Variants in CSF2RB observed in about 807,000 individuals in gnomAD.
The protein encoded by CSF2RB is colony stimulating factor 2 receptor subunit beta, also known as cytokine receptor common subunit beta.
In CSF2RB, 22 loss-of-function variants were observed where a neutral mutation model predicts 67.2. The observed-to-expected ratio is 0.33, with a 90% confidence interval of 0.23 to 0.47. CSF2RB has a LOEUF of 0.47. Among genes scored for constraint, CSF2RB ranks in the 20% least tolerant of loss-of-function variants. CSF2RB has a pLI of 1.00. For synonymous variants in CSF2RB, 507 were observed against 482.9 expected (o/e 1.05, Z -0.65); for missense variants, 1,113 against 1,174.5 (o/e 0.95, Z 0.76).
chr22:36,916,874 A>G (rs775226015), intron 1 of CSF2RB, among the ~76,000 whole-genome samples: 3 of 152,130 alleles, frequency 2.0e-5, no homozygotes, highest in Non-Finnish European at 4.4e-5. Flanking sequence ...TAAAAATAAA[A>G]ATCAGTTTGC....
chr22:36,933,034 T>TGAGACCTAGCCACTA (rs1290771333), intron 9 of CSF2RB, 130 bp downstream of exon 9: 1 of 1,087,160 alleles, frequency 9.2e-7, no homozygotes, highest in African/African-American at 1.5e-5. Context: ...CACTGGGACG[T>TGAGACCTAGCCACTA]GGTGATCACT....
intron 4 of CSF2RB, among the ~76,000 whole-genome samples, chr22:36,929,039 G>C (rs908260656): frequency 2.0e-5 from 3 of 152,216 alleles, no homozygotes; most frequent in Non-Finnish European, 4.4e-5. Context: ...GACAGCAGGA[G>C]GGGGGAGGCC....
At position 36,939,919 on chromosome 22, in the gene CSF2RB, T is replaced by C. The variant is rs969116483; in HGVS notation, c.*1417T>C. ...AGCAGTGTTTGTCCTAATTTATATATTGTTTTTCTAGTTCATTTTGTGTTT... is the reference window on the plus strand; with the variant it reads ...AGCAGTGTTTGTCCTAATTTATATACTGTTTTTCTAGTTCATTTTGTGTTT... On this transcript the variant is annotated 3_prime_UTR_variant, in exon 14 of 14. Coordinates refer to ENST00000403662, the MANE Select transcript of CSF2RB (RefSeq NM_000395.3). 3.9e-5 allele frequency: 6 copies of C among 152,270 alleles called. No individual in the cohort carries two copies. The highest frequency in any genetic ancestry group is 9.6e-5 in the African/African-American group (4 of 41,474). The allele number at this position is 152,270 out of a possible 1,614,324, so 9.4% of individuals were successfully genotyped here.
In CSF2RB at chr22:36,929,748, C is replaced by T. The variant is rs1475427891; in HGVS notation, c.659C>T (p.Ser220Phe). 1.9e-6 allele frequency: 3 copies of T among 1,614,176 alleles called. No individual in the cohort carries two copies. The East Asian group carries it at 6.7e-5, about 36-fold the overall frequency. Residue 220 changes from serine (S) to phenylalanine (F), a missense_variant, in exon 6 of 14, where the codon TCT becomes TTT. Ser to Phe is a radical substitution (Grantham distance 155). This residue lies in a region of CSF2RB where 559 missense variants were observed against 656.5 expected (regional missense o/e 0.85). Transcript: ENST00000403662. ...GTACGGACCCGCCTGGCCCCAGGTT[C>T]TCGGCTCTCAGGACGTCCCAGCAAG... Reference protein sequence around the residue: ...ARVRTRLAPGSRLSGRPSKWS... With the variant: ...ARVRTRLAPGFRLSGRPSKWS...
intron 1 of CSF2RB, among the ~76,000 whole-genome samples, chr22:36,921,041 G>C (rs1940851696): frequency 6.6e-6 from 1 of 151,750 alleles, no homozygotes; most frequent in African/African-American, 2.4e-5. Flanking sequence ...GTGTATGTCT[G>C]TGTGTAGGTG....
At chr22:36,922,313 T>C (rs768284980) in intron 2 of CSF2RB, 30 bp downstream of exon 2, 11 of 1,554,620 alleles carry the variant, frequency 7.1e-6, no homozygotes, top group Non-Finnish European at 8.7e-6. Context: ...CCCACTTCCC[T>C]GTCCCTGTCC....
At chr22:36,936,781 C>A in intron 13 of CSF2RB, 129 bp downstream of exon 13, 1 of 760,368 alleles carries the variant, frequency 1.3e-6, no homozygotes, top group Non-Finnish European at 2.1e-6. Context: ...AGCTGGTTTG[C>A]ACTAAAGCAG....
At position 36,936,579 on chromosome 22, in the gene CSF2RB, A is replaced by T. The variant is rs748831606; in HGVS notation, c.1495A>T (p.Ser499Cys). 1 of 1,613,334 alleles carries T rather than the reference A, an allele frequency of 6.2e-7. No homozygotes were observed. Among genetic ancestry groups the T allele is most frequent in the Non-Finnish European group, 8.5e-7 (1 of 1,180,002 alleles). Reference protein sequence around the residue: ...NGSAELWPPGSMSAFTSGSPP... With the variant: ...NGSAELWPPGCMSAFTSGSPP... ...GAGCGCAGAGCTTTGGCCCCCAGGC[A>T]GCATGTCGGCCTTCACTAGCGGGAG... The change falls in exon 13 of 14, where the codon AGC becomes TGC. Residue 499 changes from serine (S) to cysteine (C), a missense_variant. Physicochemically the swap from Ser to Cys is moderately radical, Grantham distance 112. This residue lies in a region of CSF2RB where 554 missense variants were observed against 517.9 expected (regional missense o/e 1.07). Transcript: ENST00000403662.
In CSF2RB at chr22:36,939,187, C is replaced by T. The variant is rs1479267116; in HGVS notation, c.*685C>T. 1.4e-6 allele frequency: 1 copy of T among 702,266 alleles called. No homozygotes were observed. Among genetic ancestry groups the T allele is most frequent in the Non-Finnish European group, 2.6e-6 (1 of 384,820 alleles). The allele number at this position is 702,266 out of a possible 1,614,324, so 43.5% of individuals were successfully genotyped here. A position where few individuals can be genotyped will look rare whatever the true frequency, so the allele number is the denominator to read the frequency against. The stretch of plus-strand genomic sequence containing the variant: ...AGACTGTTTGGGAGCTTCTGGGGAG[C>T]CCTGCTAGTTGTCTCAGTGATGTCT... On this transcript the variant is annotated 3_prime_UTR_variant, in exon 14 of 14. Transcript: ENST00000403662.
chr22:36,914,439 C>A (rs1940673308), intron 1 of CSF2RB, among the ~76,000 whole-genome samples: 2 of 151,714 alleles, frequency 1.3e-5, no homozygotes, highest in African/African-American at 4.9e-5. Context: ...GTCTGTCTGT[C>A]TTTTTAGTTA....
In CSF2RB at chr22:36,938,952, G is replaced by A. The variant is rs1002895368; in HGVS notation, c.*450G>A. 8 of 600,488 alleles carry A rather than the reference G, an allele frequency of 1.3e-5. No homozygotes were observed. The highest frequency in any genetic ancestry group is 7.4e-5 in the African/African-American group (4 of 53,914). 37.2% of individuals were successfully genotyped at this position (600,488 alleles called of 1,614,324 possible). A position where few individuals can be genotyped will look rare whatever the true frequency, so the allele number is the denominator to read the frequency against. ...GACTTGTGTGGGCTGCCTGTCCCCGGCAGTCGCTGATGCACATGACATGAT... is the reference window on the plus strand; with the variant it reads ...GACTTGTGTGGGCTGCCTGTCCCCGACAGTCGCTGATGCACATGACATGAT... On this transcript the variant is annotated 3_prime_UTR_variant, in exon 14 of 14. Coordinates refer to ENST00000403662, the MANE Select transcript of CSF2RB (RefSeq NM_000395.3).
Position 36,937,455 on chromosome 22 carries a change from A to G in CSF2RB, c.1647A>G (p.Pro549=), listed in dbSNP as rs1941292414. 6.2e-7 allele frequency: 1 copy of G among 1,614,036 alleles called. No homozygotes were observed. Among genetic ancestry groups the G allele is most frequent in the Non-Finnish European group, 8.5e-7 (1 of 1,179,972 alleles). The change falls in exon 14 of 14, where the codon CCA becomes CCG. Residue 549 remains proline, a synonymous_variant. Coordinates refer to ENST00000403662, the MANE Select transcript of CSF2RB (RefSeq NM_000395.3). This position sits in a 1 kb window ranked among gnomAD's most constrained non-coding sequence, Gnocchi z 4.6. The part of the protein sequence containing the change: ...IEDPKHVCDP[P]SGPDTTPAAS... Reference sequence around the variant, plus strand: ...ACCCCAAGCATGTCTGTGATCCACCATCTGGGCCTGACACGACTCCAGCTG... The same window carrying G: ...ACCCCAAGCATGTCTGTGATCCACCGTCTGGGCCTGACACGACTCCAGCTG...
rs1232034943 is a variant in CSF2RB at position 36,933,829 on chromosome 22, C to A, written c.1153-3C>A. 2 of 1,605,782 alleles carry A rather than the reference C, an allele frequency of 1.2e-6. No homozygotes were observed. The highest frequency in any genetic ancestry group is 3.4e-5 in the Admixed American group (2 of 59,700). ...AGGCCTCACCCTCAGTGCCAACCCA[C>A]AGGACAGCAAGACCGAGACCCTCCA... On this transcript the variant is annotated splice_polypyrimidine_tract_variant and splice_region_variant and intron_variant, in intron 9 of 13. Coordinates refer to ENST00000403662, the MANE Select transcript of CSF2RB (RefSeq NM_000395.3).
chr22:36,937,581 G>T lies in CSF2RB; in HGVS notation c.1773G>T (p.Gly591=), dbSNP rs1324660883. 1.2e-6 allele frequency: 2 copies of T among 1,605,200 alleles called. No individual in the cohort carries two copies. Among genetic ancestry groups the T allele is most frequent in the Non-Finnish European group, 1.7e-6 (2 of 1,175,960 alleles). The change falls in exon 14 of 14, where the codon GGG becomes GGT. Residue 591 remains glycine, a synonymous_variant. Coordinates refer to ENST00000403662, the MANE Select transcript of CSF2RB (RefSeq NM_000395.3). The surrounding 1 kb of genome is among the most constrained non-coding windows in gnomAD (Gnocchi z 4.6). Reference sequence around the variant, plus strand: ...AGGCTTCCAGCTTTGACTTCAATGGGCCCTACCTGGGGCCGCCCCACAGCC... The same window carrying T: ...AGGCTTCCAGCTTTGACTTCAATGGTCCCTACCTGGGGCCGCCCCACAGCC... ...EKQASSFDFN[G]PYLGPPHSRS...
intron 4 of CSF2RB, 95 bp from the exon 5 acceptor site, chr22:36,929,307 C>A (rs776552254): frequency 6.4e-7 from 1 of 1,558,070 alleles, no homozygotes; most frequent in Non-Finnish European, 8.8e-7. Flanking sequence ...GCAGGGGTGG[C>A]CTGGAACCCC....
At chr22:36,925,921 C>G (rs6000489) in intron 3 of CSF2RB, 66 bp from the exon 4 acceptor site, 4 of 1,558,268 alleles carry the variant, frequency 2.6e-6, no homozygotes, top group Non-Finnish European at 3.5e-6. Flanking sequence ...GGTGAGCACT[C>G]GAGGAACCTT....
chr22:36,935,679 C>G lies in CSF2RB; in HGVS notation c.1456C>G (p.Leu486Val), dbSNP rs1407753064. 1 of 1,614,002 alleles carries G rather than the reference C, an allele frequency of 6.2e-7. No homozygotes were observed. Among genetic ancestry groups the G allele is most frequent in the Non-Finnish European group, 8.5e-7 (1 of 1,180,034 alleles). Residue 486 changes from leucine (L) to valine (V), a missense_variant, in exon 12 of 14, where the codon CTG (leucine) becomes GTG (valine). By Grantham distance (32) the Leu-to-Val change is conservative (BLOSUM62 1). Around this residue, in one of 2 missense-constraint regions of CSF2RB, gnomAD observed 559 missense variants for 656.5 expected, o/e 0.85. Transcript: ENST00000403662. ...EKIPNPSKSH[L>V]FQNGSAELWP... is the part of the protein sequence containing the mutation. Reference sequence around the variant, plus strand: ...GATCCCCAACCCCAGCAAGAGCCACCTGTTCCAGGTAGGAACTGGCTGCGA... The same window carrying G: ...GATCCCCAACCCCAGCAAGAGCCACGTGTTCCAGGTAGGAACTGGCTGCGA...
At chr22:36,919,567 A>ATTT (rs35070577) in intron 1 of CSF2RB, among the ~76,000 whole-genome samples, 2 of 142,182 alleles carry the variant, frequency 1.4e-5, no homozygotes, top group African/African-American at 2.6e-5. Flanking sequence ...ATGGCCAGCT[A>ATTT]TTTTTTTTTT....
intron 4 of CSF2RB, 91 bp downstream of exon 4, chr22:36,926,268 G>C: frequency 2.3e-6 from 3 of 1,322,646 alleles, no homozygotes; most frequent in Non-Finnish European, 3.2e-6. Context: ...AAGGCAGAAG[G>C]CTGTGGCTTG....
Sources: allele counts gnomAD v4.1 joint callset (sites outside exome capture counted in the v4.1 genomes callset), GRCh38; gene constraint gnomAD v4.1.1; regional missense constraint gnomAD v4.1.1; non-coding constraint Gnocchi (gnomAD v3.1); transcripts MANE v1.5; gene names NCBI Gene and HGNC (gene_info 2026-07-23, HGNC 2026-07-21).